Variants in KDM4C observed in about 807,000 individuals in gnomAD.
KDM4C encodes lysine demethylase 4C.
KDM4C carries 81 observed loss-of-function variants against 129.3 expected under a neutral mutation model. The observed-to-expected ratio is 0.63, with a 90% CI of 0.52 to 0.75. The LOEUF (loss-of-function observed/expected upper bound fraction) is 0.75. Among genes scored for constraint, KDM4C ranks in the 30% least tolerant of loss-of-function variants. KDM4C has a pLI of 0.00. For synonymous variants in KDM4C, 573 were observed against 456.1 expected, an observed-to-expected ratio of 1.26 and a Z score of -3.26; for missense variants, 1,457 against 1,304.0, an observed-to-expected ratio of 1.12 and a Z score of -1.81.
At chr9:6,913,522 T>C (rs1341864520) in intron 8 of KDM4C, among the ~76,000 whole-genome samples, 1 of 152,216 alleles carries the variant, frequency 6.6e-6, no homozygotes, top group Non-Finnish European at 1.5e-5. Context: ...TCCATTGGGA[T>C]TTGTGAGAGG....
chr9:6,879,422 T>A (rs1281461491), intron 5 of KDM4C, among the ~76,000 whole-genome samples: 2 of 152,182 alleles, frequency 1.3e-5, no homozygotes, highest in African/African-American at 4.8e-5. Context: ...CACATAATTA[T>A]GAAATAAATA....
intron 8 of KDM4C, among the ~76,000 whole-genome samples, chr9:6,915,917 A>G (rs1820229044): frequency 6.6e-6 from 1 of 152,232 alleles, no homozygotes; most frequent in Non-Finnish European, 1.5e-5. Context: ...ACTTGAATTA[A>G]TGACAGGCTG....
At chr9:6,721,986 A>G (rs559041950) in intron 1 of KDM4C, among the ~76,000 whole-genome samples, 19 of 152,220 alleles carry the variant, frequency 1.2e-4, no homozygotes, top group African/African-American at 4.3e-4. Context: ...CCTCCCAAAG[A>G]TCTGGAATTA....
intron 8 of KDM4C, among the ~76,000 whole-genome samples, chr9:6,919,239 TTTCTTTCTTTTCTTTC>T (rs1563812199): frequency 4.4e-5 from 4 of 91,790 alleles, no homozygotes; most frequent in Non-Finnish European, 7.3e-5. Flanking sequence ...TCTTTCTTTC[TTTCTTTCTTTTCTTTC>T]TTTCTTTCTT....
At chr9:6,859,200 G>C (rs56824084) in intron 5 of KDM4C, among the ~76,000 whole-genome samples, 1 of 152,006 alleles carries the variant, frequency 6.6e-6, no homozygotes, top group Non-Finnish European at 1.5e-5. Context: ...TCTGGTGGCC[G>C]GGTACGGTGG....
intron 8 of KDM4C, among the ~76,000 whole-genome samples, chr9:6,926,907 C>G (rs7044390): frequency 0.23 from 35,065 of 151,932 alleles, 4,770 homozygotes; most frequent in Middle Eastern, 0.4. Context: ...ATAAACATGT[C>G]GAAGCTATTG....
chr9:6,826,308 TG>T (rs1475860751), intron 4 of KDM4C, among the ~76,000 whole-genome samples: 1 of 152,176 alleles, frequency 6.6e-6, no homozygotes, highest in East Asian at 1.9e-4. Context: ...GTTACCTTTT[TG>T]TTAATATAAA....
At chr9:7,044,565 A>G (rs1467515572) in intron 15 of KDM4C, among the ~76,000 whole-genome samples, 5 of 151,984 alleles carry the variant, frequency 3.3e-5, no homozygotes, top group Admixed American at 2.0e-4. Context: ...GATCTAAAGG[A>G]TGAGAGGAAA....
intron 4 of KDM4C, among the ~76,000 whole-genome samples, chr9:6,833,215 A>G (rs1835232575): frequency 6.6e-6 from 1 of 152,148 alleles, no homozygotes; most frequent in African/African-American, 2.4e-5. Flanking sequence ...TAGATATGTA[A>G]AATAAAATTA....
At chr9:7,098,651 T>C (rs1430830822) in intron 17 of KDM4C, among the ~76,000 whole-genome samples, 1 of 152,204 alleles carries the variant, frequency 6.6e-6, no homozygotes, top group Non-Finnish European at 1.5e-5. Flanking sequence ...TTCAGTGTCC[T>C]CCATTTCCTT....
At chr9:6,862,920 A>G (rs1283734454) in intron 5 of KDM4C, among the ~76,000 whole-genome samples, 1 of 152,330 alleles carries the variant, frequency 6.6e-6, no homozygotes, top group South Asian at 2.1e-4. Context: ...GTGGAACTTT[A>G]TAAGCCAATT....
intron 18 of KDM4C, among the ~76,000 whole-genome samples, chr9:7,106,785 G>A (rs536099760): frequency 4.6e-5 from 7 of 152,048 alleles, no homozygotes; most frequent in South Asian, 2.1e-4. Context: ...GTGATCCACC[G>A]TGCCCAGCTA....
chr9:7,129,316 T>G (rs1840365852), intron 19 of KDM4C, among the ~76,000 whole-genome samples: 2 of 152,204 alleles, frequency 1.3e-5, no homozygotes, highest in Non-Finnish European at 2.9e-5. Flanking sequence ...TATACTTACC[T>G]CTCTCTATGC....
At chr9:6,970,005 C>T (rs898998167) in intron 8 of KDM4C, among the ~76,000 whole-genome samples, 5 of 152,192 alleles carry the variant, frequency 3.3e-5, no homozygotes. Context: ...TTGCTTGGGC[C>T]ATGTGCCCAT....
chr9:6,976,433 A>T (rs901653251), intron 8 of KDM4C, among the ~76,000 whole-genome samples: 2 of 152,240 alleles, frequency 1.3e-5, no homozygotes, highest in African/African-American at 4.8e-5. Context: ...TGTCCATAAT[A>T]TTATATATAT....
intron 4 of KDM4C, chr9:6,834,831 C>T (rs1373733237): frequency 1.1e-5 from 15 of 1,380,986 alleles, no homozygotes; most frequent in African/African-American, 2.9e-5. Context: ...ATGTTTGAGA[C>T]CTTCATCACC....
chr9:6,741,262 G>C (rs925028610), intron 1 of KDM4C, among the ~76,000 whole-genome samples: 1 of 151,952 alleles, frequency 6.6e-6, no homozygotes, highest in Non-Finnish European at 1.5e-5. Context: ...CAAGGTGGTG[G>C]TGCGTGCGTG....
At chr9:6,955,294 CAG>C (rs1828871017) in intron 8 of KDM4C, among the ~76,000 whole-genome samples, 1 of 152,190 alleles carries the variant, frequency 6.6e-6, no homozygotes, top group Non-Finnish European at 1.5e-5. Context: ...GGGTAAGGCA[CAG>C]AGAGATGAAA....
At chr9:6,802,059 C>T (rs946251928) in intron 2 of KDM4C, among the ~76,000 whole-genome samples, 23 of 150,890 alleles carry the variant, frequency 1.5e-4, no homozygotes, top group Middle Eastern at 3.4e-3. Flanking sequence ...GAGCTGACAT[C>T]GCGCCATTGC....
Sources: allele counts gnomAD v4.1 joint callset (sites outside exome capture counted in the v4.1 genomes callset), GRCh38; gene constraint gnomAD v4.1.1; transcripts MANE v1.5; gene names NCBI Gene and HGNC (gene_info 2026-07-23, HGNC 2026-07-21).